RALYL: variants seen among roughly 807,000 people sequenced by gnomAD.
The protein encoded by RALYL is RALY RNA binding protein like.
RALYL carries 29 observed loss-of-function variants against 35.1 expected under a neutral mutation model. The ratio of observed to expected loss-of-function variants is 0.83; its 90% CI spans 0.61 to 1.13. The LOEUF (loss-of-function observed/expected upper bound fraction) is 1.13. RALYL is among the 50% of genes most tolerant of loss of function. The pLI, the probability that RALYL is intolerant of heterozygous loss-of-function variation, is 0.00. For missense variants in RALYL, 359 were observed against 360.4 expected (o/e 1.00, Z 0.03); for synonymous variants, 120 against 127.6 (o/e 0.94, Z 0.40).
chr8:84,910,755 A>G (rs534228575), intron 8 of RALYL, among the ~76,000 whole-genome samples: 2 of 152,020 alleles, frequency 1.3e-5, no homozygotes, highest in South Asian at 4.1e-4. Context: ...AATATAAAAT[A>G]TCATCTGTTT....
chr8:84,358,434 A>G (rs1442948928), intron 1 of RALYL, among the ~76,000 whole-genome samples: 1 of 152,004 alleles, frequency 6.6e-6, no homozygotes, highest in Admixed American at 6.6e-5. Flanking sequence ...AAACAATAAA[A>G]TGGCCTACTA....
At chr8:84,229,221 G>A (rs1824744972) in intron 1 of RALYL, among the ~76,000 whole-genome samples, 2 of 152,284 alleles carry the variant, frequency 1.3e-5, no homozygotes, top group South Asian at 4.1e-4. Flanking sequence ...ACCATGATCA[G>A]AAACATAGTC....
At chr8:84,398,450 T>C (rs1280712918) in intron 1 of RALYL, among the ~76,000 whole-genome samples, 1 of 152,182 alleles carries the variant, frequency 6.6e-6, no homozygotes, top group Non-Finnish European at 1.5e-5. Flanking sequence ...TCAATAAATA[T>C]TGTGAAAGAT....
intron 2 of RALYL, among the ~76,000 whole-genome samples, chr8:84,570,624 G>A (rs768978103): frequency 4.0e-5 from 6 of 151,844 alleles, no homozygotes; most frequent in Non-Finnish European, 5.9e-5. Flanking sequence ...ATGTTGAATA[G>A]GAGTGAGGAG....
chr8:84,695,961 A>G (rs947005389), intron 2 of RALYL, among the ~76,000 whole-genome samples: 8 of 151,782 alleles, frequency 5.3e-5, no homozygotes, highest in African/African-American at 1.9e-4. Flanking sequence ...TGGACCAGTC[A>G]TTGTCAAGGG....
At chr8:84,792,851 G>A (rs1050926127) in intron 3 of RALYL, among the ~76,000 whole-genome samples, 9 of 152,188 alleles carry the variant, frequency 5.9e-5, no homozygotes, top group Non-Finnish European at 1.0e-4. Context: ...TGGATTGCAA[G>A]TTCCAGAATG....
intron 8 of RALYL, among the ~76,000 whole-genome samples, chr8:84,899,092 A>G (rs755035223): frequency 6.6e-6 from 1 of 152,152 alleles, no homozygotes; most frequent in Non-Finnish European, 1.5e-5. Flanking sequence ...TCATGACTCC[A>G]TGCATTTACA....
At chr8:84,602,388 C>T (rs938188343) in intron 2 of RALYL, among the ~76,000 whole-genome samples, 6 of 152,058 alleles carry the variant, frequency 3.9e-5, no homozygotes, top group African/African-American at 1.4e-4. Context: ...TCTATTTATT[C>T]CATCTTTATA....
chr8:84,387,428 T>C (rs1175135264), intron 1 of RALYL, among the ~76,000 whole-genome samples: 1 of 151,918 alleles, frequency 6.6e-6, no homozygotes, highest in East Asian at 1.9e-4. Context: ...TAATTAAAAC[T>C]TATTTTTATT....
chr8:84,871,466 A>G (rs930011902), intron 6 of RALYL, among the ~76,000 whole-genome samples: 1 of 152,198 alleles, frequency 6.6e-6, no homozygotes, highest in African/African-American at 2.4e-5. Context: ...ATAAGATAAA[A>G]TATTTTCTAT....
chr8:84,772,751 C>T (rs893965619), intron 2 of RALYL, among the ~76,000 whole-genome samples: 2 of 151,894 alleles, frequency 1.3e-5, no homozygotes, highest in South Asian at 4.1e-4. Context: ...TTACATGAAC[C>T]CACATATCAT....
intron 1 of RALYL, among the ~76,000 whole-genome samples, chr8:84,256,128 G>A (rs896932493): frequency 1.3e-5 from 2 of 152,110 alleles, no homozygotes; most frequent in Non-Finnish European, 1.5e-5. Context: ...GTTGGGAAGG[G>A]TTATATGTGC....
At chr8:84,411,145 A>T (rs1586944103) in intron 1 of RALYL, among the ~76,000 whole-genome samples, 1 of 151,934 alleles carries the variant, frequency 6.6e-6, no homozygotes, top group Non-Finnish European at 1.5e-5. Flanking sequence ...AAGAATGAGC[A>T]AATCAAATAT....
chr8:84,211,959 C>A (rs1819593710), intron 1 of RALYL, among the ~76,000 whole-genome samples: 1 of 152,074 alleles, frequency 6.6e-6, no homozygotes, highest in Non-Finnish European at 1.5e-5. Flanking sequence ...TTAATAGTTA[C>A]AATAACCAAG....
intron 1 of RALYL, among the ~76,000 whole-genome samples, chr8:84,348,752 C>G (rs1850319347): frequency 1.5e-5 from 2 of 136,722 alleles, no homozygotes; most frequent in Admixed American, 1.4e-4. Context: ...AAGTTCTGAG[C>G]CTATAATAGA....
chr8:84,304,230 G>C (rs555775929), intron 1 of RALYL, among the ~76,000 whole-genome samples: 1 of 152,020 alleles, frequency 6.6e-6, no homozygotes, highest in Admixed American at 6.6e-5. Context: ...CCATTGTCCT[G>C]CCTCAGCCTC....
chr8:84,888,331 A>G (rs78877686), intron 8 of RALYL, among the ~76,000 whole-genome samples: 46 of 152,222 alleles, frequency 3.0e-4, no homozygotes, highest in Admixed American at 5.9e-4. Flanking sequence ...TACAAGTTGT[A>G]TTTTCCTAAT....
intron 1 of RALYL, among the ~76,000 whole-genome samples, chr8:84,254,923 G>A (rs1016711504): frequency 4.6e-5 from 7 of 151,880 alleles, no homozygotes; most frequent in South Asian, 2.1e-4. Context: ...ATCAGATGTC[G>A]TGAGTGAGCT....
chr8:84,287,313 GGCT>G (rs1837812397), intron 1 of RALYL, among the ~76,000 whole-genome samples: 1 of 143,196 alleles, frequency 7.0e-6, no homozygotes, highest in Non-Finnish European at 1.6e-5. Context: ...GAAACTACTG[GGCT>G]AGGTTATTAG....
Sources: gnomAD v4.1 joint callset for allele counts (sites outside exome capture counted in the v4.1 genomes callset) on GRCh38, gnomAD v4.1.1 for gene constraint, MANE v1.5 for transcripts, NCBI Gene and HGNC (gene_info 2026-07-23, HGNC 2026-07-21) for gene names.